RNF103: variants seen among roughly 807,000 people sequenced by gnomAD.
The protein encoded by RNF103 is E3 ubiquitin-protein ligase RNF103.
Under a neutral mutation model 66.2 loss-of-function variants are expected in RNF103, and 23 were observed. The observed-to-expected ratio is 0.35, with a 90% CI of 0.25 to 0.49. RNF103 has a LOEUF of 0.49. Ranked by LOEUF, RNF103 falls within the 20% of genes least tolerant of loss-of-function variation. The pLI is 0.98. For missense variants in RNF103, 730 were observed against 814.7 expected (o/e 0.90, Z 1.27); for synonymous variants, 297 against 289.9 (o/e 1.02, Z -0.25).
At chr2:86,614,075 T>C (rs1198571635) in intron 2 of RNF103, 1 of 152,198 alleles carries the variant, frequency 6.6e-6, no homozygotes, top group African/African-American at 2.4e-5. Context: ...ATTACAGGCA[T>C]GAACCACTGC....
At chr2:86,610,812 A>G (rs192659274) in intron 3 of RNF103, among the ~76,000 whole-genome samples, 16 of 152,274 alleles carry the variant, frequency 1.1e-4, no homozygotes, top group Non-Finnish European at 2.1e-4. Context: ...AAGACCTTTC[A>G]CTTTGACTCT....
chr2:86,605,354 A>C lies in RNF103; in HGVS notation c.547T>G (p.Ser183Ala). The change falls in exon 4 of 4, where the codon TCA becomes GCA. Residue 183 changes from serine (S) to alanine (A), a missense_variant. By Grantham distance (99) the Ser-to-Ala change is moderately conservative. Transcript: ENST00000237455. ...TCTTTAAGCATGACTTTCCCTTTTG[A>C]AGTACTTGTTTGTGGAACAGACATA... is the stretch of plus-strand genomic sequence containing the variant. ...LIMSVPQTST[S>A]KGKVMLKEYS... 6.2e-7 allele frequency: 1 copy of C among 1,614,114 alleles called. No individual in the cohort carries two copies. The highest frequency in any genetic ancestry group is 8.5e-7 in the Non-Finnish European group (1 of 1,180,008).
At chr2:86,612,462 A>G (rs1025340978) in intron 2 of RNF103, 188 bp from the exon 3 acceptor site, 8 of 506,302 alleles carry the variant, frequency 1.6e-5, no homozygotes, top group Non-Finnish European at 2.4e-5. Flanking sequence ...AAAAGACTTG[A>G]AACACTGAAA....
chr2:86,616,440 A>C (rs1679023965), intron 2 of RNF103: 1 of 906,996 alleles, frequency 1.1e-6, no homozygotes. Context: ...GTGGTCTTTT[A>C]ATTTTTTTGT....
At chr2:86,617,162 T>G in intron 2 of RNF103, 1 of 985,394 alleles carries the variant, frequency 1.0e-6, no homozygotes, top group Non-Finnish European at 1.2e-6. Context: ...AAATAAATTC[T>G]GTTCACATTA....
At chr2:86,605,713 T>C (rs1231425827) in intron 3 of RNF103, among the ~76,000 whole-genome samples, 1 of 152,134 alleles carries the variant, frequency 6.6e-6, no homozygotes, top group Non-Finnish European at 1.5e-5. Context: ...TGTGCTAAGA[T>C]CCAGAAGACA....
rs775993339 is a variant in RNF103, at chr2:86,612,109, G to C, written c.482+50C>G. 12 of 1,227,618 alleles carry C rather than the reference G, an allele frequency of 9.8e-6. No homozygotes were observed. The Admixed American group carries it at 2.0e-4, about 21-fold the overall frequency. 76.0% of individuals were successfully genotyped at this position (1,227,618 alleles called of 1,614,324 possible). On this transcript the variant is annotated intron_variant, in intron 3 of 3. Transcript: ENST00000237455. ...TAGTATCATTGCCCTTTTTAAATAA[G>C]AAAGATCCTGGTCAGGACTCAAATT...
chr2:86,621,868 TC>T (rs1273299328), intron 1 of RNF103, among the ~76,000 whole-genome samples: 2 of 152,188 alleles, frequency 1.3e-5, no homozygotes, highest in Non-Finnish European at 2.9e-5. Context: ...ACCATATTTC[TC>T]ACCCAATCCT....
At position 86,612,249 on chromosome 2, in the gene RNF103, A is replaced by G. The variant is rs1255467778; in HGVS notation, c.392T>C (p.Leu131Ser). 1 of 1,613,272 alleles carries G rather than the reference A, an allele frequency of 6.2e-7. No homozygotes were observed. Among genetic ancestry groups the G allele is most frequent in the African/African-American group, 1.3e-5 (1 of 74,890 alleles). The change falls in exon 3 of 4, where the codon TTG becomes TCG. Residue 131 changes from leucine (L) to serine (S), a missense_variant. This residue lies in a region of RNF103 where 327 missense variants were observed against 369.8 expected (regional missense o/e 0.88). Coordinates refer to ENST00000237455, the MANE Select transcript of RNF103 (RefSeq NM_005667.4). Reference sequence around the variant, plus strand: ...TTTCTCCCAGTGAATTTTGCCCACCAAGGGACTTCTGTCATTTGCTATGAC... The same window carrying G: ...TTTCTCCCAGTGAATTTTGCCCACCGAGGGACTTCTGTCATTTGCTATGAC... ...VQVIANDRSPLVGKIHWEKMV... is the reference protein window; with the variant it reads ...VQVIANDRSPSVGKIHWEKMV...
rs779767603 is a variant in RNF103 at position 86,604,708 on chromosome 2, T to C, written c.1193A>G (p.Asn398Ser). ...EYSLKLLRYS[N>S]TTTLASWVRA... ...TACCCATGAAGCCAGTGTGGTTGTA[T>C]TGGAATATCTCAACAATTTTAAGCT... Residue 398 changes from asparagine to serine, a missense_variant, in exon 4 of 4, where the codon AAT becomes AGT. Physicochemically the swap from Asn to Ser is conservative, Grantham distance 46 (BLOSUM62 1). This residue lies in a region of RNF103 where 355 missense variants were observed against 351.9 expected (regional missense o/e 1.01). Coordinates refer to ENST00000237455, the MANE Select transcript of RNF103 (RefSeq NM_005667.4). 131 of 1,614,036 alleles carry C rather than the reference T, an allele frequency of 8.1e-5. No individual in the cohort carries two copies. The highest frequency in any genetic ancestry group is 1.0e-4 in the Non-Finnish European group (122 of 1,180,022).
At chr2:86,605,497 C>A in intron 3 of RNF103, 79 bp from the exon 4 acceptor site, 1 of 1,449,828 alleles carries the variant, frequency 6.9e-7, no homozygotes, top group East Asian at 2.4e-5. Flanking sequence ...TTCTTTAGCA[C>A]CTCACCCCAA....
chr2:86,615,537 T>TATATATATATATATAA (rs1553415795), intron 2 of RNF103, among the ~76,000 whole-genome samples: 2 of 145,838 alleles, frequency 1.4e-5, no homozygotes, highest in Non-Finnish European at 3.0e-5. Context: ...TATATATATA[T>TATATATATATATATAA]AATATATATA....
At chr2:86,606,431 A>C (rs902333076) in intron 3 of RNF103, among the ~76,000 whole-genome samples, 1 of 152,088 alleles carries the variant, frequency 6.6e-6, no homozygotes, top group Non-Finnish European at 1.5e-5. Flanking sequence ...TTGGGAGGCC[A>C]AGGTGGGCAG....
At position 86,623,833 on chromosome 2, in the gene RNF103, C is replaced by G. The variant is rs1002545148; in HGVS notation, c.-947G>C. 1 of 1,288,104 alleles carries G rather than the reference C, an allele frequency of 7.8e-7. No individual in the cohort carries two copies. The highest frequency in any genetic ancestry group is 1.0e-6 in the Non-Finnish European group (1 of 988,376). The allele number at this position is 1,288,104 out of a possible 1,614,324, so 79.8% of individuals were successfully genotyped here. Reference sequence around the variant, plus strand: ...GGCCGTACCCTCCACAACCGTGTATCAGCGGCGGCCGCGGCCGGAGCCGAG... The same window carrying G: ...GGCCGTACCCTCCACAACCGTGTATGAGCGGCGGCCGCGGCCGGAGCCGAG... On this transcript the variant is annotated 5_prime_UTR_variant, in exon 1 of 4. Transcript: ENST00000237455.
chr2:86,623,616 G>A lies in RNF103; in HGVS notation c.-730C>T. ...TCAGGCGGGCGGGCACTGCGGCCCG[G>A]CCCAGGATGGGGCGTCGCGGTCTCT... On this transcript the variant is annotated 5_prime_UTR_variant, in exon 1 of 4. Coordinates refer to ENST00000237455, the MANE Select transcript of RNF103 (RefSeq NM_005667.4). 1 of 1,085,602 alleles carries A rather than the reference G, an allele frequency of 9.2e-7. No homozygotes were observed. The highest frequency in any genetic ancestry group is 1.1e-6 in the Non-Finnish European group (1 of 886,936). The allele number at this position is 1,085,602 out of a possible 1,614,324, so 67.2% of individuals were successfully genotyped here.
At chr2:86,614,614 A>AG (rs35760116) in intron 2 of RNF103, 137,054 of 311,062 alleles carry the variant, frequency 0.44, 33,839 homozygotes, top group East Asian at 0.74. Flanking sequence ...AAAAAAAGAG[A>AG]GAAAAAAAAG....
chr2:86,607,312 A>C (rs1678611279), intron 3 of RNF103, among the ~76,000 whole-genome samples: 1 of 152,254 alleles, frequency 6.6e-6, no homozygotes, highest in South Asian at 2.1e-4. Context: ...ATATGATCAG[A>C]TGAAGAGAAG....
chr2:86,607,699 T>C (rs910136132), intron 3 of RNF103, among the ~76,000 whole-genome samples: 2 of 152,272 alleles, frequency 1.3e-5, no homozygotes, highest in Non-Finnish European at 2.9e-5. Context: ...TATGGACAAC[T>C]GTCTTATTTA....
chr2:86,620,550 G>A, intron 1 of RNF103, 81 bp from the exon 2 acceptor site: 1 of 1,387,996 alleles, frequency 7.2e-7, no homozygotes, highest in Middle Eastern at 1.9e-4. Flanking sequence ...TTTTTACACT[G>A]TTAAGAATCA....
Sources: allele counts gnomAD v4.1 joint callset (sites outside exome capture counted in the v4.1 genomes callset), GRCh38; gene constraint gnomAD v4.1.1; regional missense constraint gnomAD v4.1.1; transcripts MANE v1.5; gene names NCBI Gene and HGNC (gene_info 2026-07-23, HGNC 2026-07-21).